CIDEC: variants seen among roughly 807,000 people sequenced by gnomAD.
The protein encoded by CIDEC is lipid transferase CIDEC.
Under a neutral mutation model 21.9 loss-of-function variants are expected in CIDEC, and 11 were observed. The ratio of observed to expected loss-of-function variants is 0.50; its 90% CI spans 0.32 to 0.83. The LOEUF is 0.83. Ranked by LOEUF, CIDEC falls within the 40% of genes least tolerant of loss-of-function variation. CIDEC has a pLI of 0.04. For missense variants in CIDEC, 302 were observed against 302.3 expected, an observed-to-expected ratio of 1.00 and a Z score of 0.01; for synonymous variants, 127 against 124.9, an observed-to-expected ratio of 1.02 and a Z score of -0.11.
chr3:9,879,161 A>ATT, intron 1 of CIDEC, 107 bp from the exon 2 acceptor site: 9 of 145,466 alleles, frequency 6.2e-5, no homozygotes, highest in South Asian at 3.8e-4. Flanking sequence ...CAGGAGCTGA[A>ATT]TTTTTTTTTT....
chr3:9,876,661 G>T (rs896736138), intron 4 of CIDEC, among the ~76,000 whole-genome samples: 5 of 150,690 alleles, frequency 3.3e-5, no homozygotes, highest in African/African-American at 4.9e-5. Flanking sequence ...GGAGGCTGAG[G>T]CAGGAGAATC....
At chr3:9,876,496 C>T (rs921119984) in intron 4 of CIDEC, among the ~76,000 whole-genome samples, 3 of 151,924 alleles carry the variant, frequency 2.0e-5, no homozygotes, top group African/African-American at 4.8e-5. Context: ...GTAGCTCACA[C>T]CTGTAATCCC....
At chr3:9,867,589 C>T (rs2082290225) in intron 6 of CIDEC, among the ~76,000 whole-genome samples, 1 of 152,206 alleles carries the variant, frequency 6.6e-6, no homozygotes, top group Non-Finnish European at 1.5e-5. Flanking sequence ...CACTGCACTC[C>T]AGCCTGGGTG....
At chr3:9,869,346 C>G (rs1473658361) in intron 6 of CIDEC, among the ~76,000 whole-genome samples, 1 of 151,956 alleles carries the variant, frequency 6.6e-6, no homozygotes, top group Non-Finnish European at 1.5e-5. Context: ...TGCCTCCTAG[C>G]TTCAAGCGAT....
chr3:9,869,127 C>A (rs1344469107), intron 6 of CIDEC, among the ~76,000 whole-genome samples: 3 of 152,126 alleles, frequency 2.0e-5, no homozygotes, highest in Admixed American at 6.5e-5. Context: ...CTGCACTCAA[C>A]CTATCTCATC....
At chr3:9,868,875 G>C (rs534314254) in intron 6 of CIDEC, among the ~76,000 whole-genome samples, 30 of 152,256 alleles carry the variant, frequency 2.0e-4, no homozygotes, top group Admixed American at 1.2e-3. Flanking sequence ...GGAGTACACA[G>C]TAGTATGGTC....
chr3:9,877,588 C>T (rs574123203), intron 3 of CIDEC, among the ~76,000 whole-genome samples: 12 of 152,062 alleles, frequency 7.9e-5, no homozygotes, highest in South Asian at 2.1e-4. Context: ...CCCTGGGAGG[C>T]GGCAGAGGTT....
intron 2 of CIDEC, 75 bp downstream of exon 2, chr3:9,878,867 A>G (rs993186976): frequency 1.3e-6 from 2 of 1,498,706 alleles, no homozygotes; most frequent in Non-Finnish European, 1.8e-6. Context: ...GTTCCTGTCC[A>G]TGGGGACAGA....
At position 9,870,325 on chromosome 3, in the gene CIDEC, G is replaced by A; in HGVS notation, c.208-3C>T. 4 of 1,612,846 alleles carry A rather than the reference G, an allele frequency of 2.5e-6. No homozygotes were observed. Among genetic ancestry groups the A allele is most frequent in the Admixed American group, 1.7e-5 (1 of 60,020 alleles). The stretch of plus-strand genomic sequence containing the variant: ...GCCAGCATCAGAGTGTCCCGGACCT[G>A]GGGAATAAGGTCAGTGATGCTTCTG... On this transcript the variant is annotated splice_region_variant and splice_polypyrimidine_tract_variant and intron_variant, in intron 4 of 6. Transcript: ENST00000336832.
chr3:9,875,240 G>A (rs1336223003), intron 4 of CIDEC, among the ~76,000 whole-genome samples: 4 of 151,964 alleles, frequency 2.6e-5, no homozygotes, highest in Admixed American at 1.3e-4. Flanking sequence ...AGCTGGGCGC[G>A]GTGGCGGGCG....
intron 4 of CIDEC, among the ~76,000 whole-genome samples, chr3:9,873,189 G>A (rs2082373919): frequency 6.6e-6 from 1 of 151,924 alleles, no homozygotes; most frequent in African/African-American, 2.4e-5. Context: ...TTTCTTCTAA[G>A]GGTTTTATAG....
rs772831652 is a variant in CIDEC, at chr3:9,877,154, G to C, written c.119C>G (p.Pro40Arg). Residue 40 changes from proline (P) to arginine (R), a missense_variant, in exon 4 of 7, where the codon CCC (proline) becomes CGC (arginine). Transcript: ENST00000336832. ...GCTTACGCGGCAGGGCCGGGCCCTG[G>C]GGGCCTTGGGGCTGGGCTCCGACAG... ...QLLSEPSPKA[P>R]RARPCRVSTA... is the part of the protein sequence containing the mutation. 5 of 1,551,592 alleles carry C rather than the reference G, an allele frequency of 3.2e-6. No homozygotes were observed. The highest frequency in any genetic ancestry group is 4.4e-6 in the Non-Finnish European group (5 of 1,147,158).
chr3:9,869,875 T>G lies in CIDEC; in HGVS notation c.554+7A>C, dbSNP rs748378726. On this transcript the variant is annotated splice_region_variant and intron_variant, in intron 6 of 6. Transcript: ENST00000336832. ...ACCCTGTCCCCAGGAAATCCCAATTTGCTCACTTCATGATGCGCTTGGCCC... is the reference window on the plus strand; with the variant it reads ...ACCCTGTCCCCAGGAAATCCCAATTGGCTCACTTCATGATGCGCTTGGCCC... The G allele has an allele frequency of 5.6e-6, 9 of 1,612,290 alleles. No individual in the cohort carries two copies. The highest frequency in any genetic ancestry group is 7.6e-6 in the Non-Finnish European group (9 of 1,179,802).
At chr3:9,873,532 C>T (rs1006348269) in intron 4 of CIDEC, among the ~76,000 whole-genome samples, 1 of 152,118 alleles carries the variant, frequency 6.6e-6, no homozygotes, top group South Asian at 2.1e-4. Context: ...AGGAGAATGG[C>T]GTGAACCTGG....
In CIDEC at chr3:9,867,122, G is replaced by A; in HGVS notation, c.*12C>T. Reference sequence around the variant, plus strand: ...GTCCTTCACTGGGGAAAGCTTCCAAGGACTTGGGCTTTCACTGCAGTATCT... The same window carrying A: ...GTCCTTCACTGGGGAAAGCTTCCAAAGACTTGGGCTTTCACTGCAGTATCT... On this transcript the variant is annotated 3_prime_UTR_variant, in exon 7 of 7. Coordinates refer to ENST00000336832, the MANE Select transcript of CIDEC (RefSeq NM_001321142.2). 1 of 1,612,744 alleles carries A rather than the reference G, an allele frequency of 6.2e-7. No individual in the cohort carries two copies. The highest frequency in any genetic ancestry group is 8.5e-7 in the Non-Finnish European group (1 of 1,179,930).
At chr3:9,868,998 C>T (rs556785565) in intron 6 of CIDEC, among the ~76,000 whole-genome samples, 4 of 152,176 alleles carry the variant, frequency 2.6e-5, no homozygotes, top group African/African-American at 9.6e-5. Context: ...TGTGCGCACA[C>T]ACGGGCGTGT....
chr3:9,869,643 T>A (rs2082318141), intron 6 of CIDEC, among the ~76,000 whole-genome samples: 1 of 152,120 alleles, frequency 6.6e-6, no homozygotes, highest in Non-Finnish European at 1.5e-5. Flanking sequence ...TGGAAAGTAG[T>A]CATAAAAATA....
intron 6 of CIDEC, among the ~76,000 whole-genome samples, chr3:9,869,160 T>C (rs1214557132): frequency 2.0e-5 from 3 of 152,178 alleles, no homozygotes; most frequent in South Asian, 2.1e-4. Flanking sequence ...CCTGTATATA[T>C]GTGGGATTTT....
At chr3:9,872,092 C>T (rs985682888) in intron 4 of CIDEC, among the ~76,000 whole-genome samples, 24 of 152,066 alleles carry the variant, frequency 1.6e-4, no homozygotes, top group African/African-American at 5.8e-4. Context: ...GGATTACAGA[C>T]GTGAGGCACA....
Sources: gnomAD v4.1 joint callset for allele counts (sites outside exome capture counted in the v4.1 genomes callset) on GRCh38, gnomAD v4.1.1 for gene constraint, MANE v1.5 for transcripts, NCBI Gene and HGNC (gene_info 2026-07-23, HGNC 2026-07-21) for gene names.